The following MIR2052HG variants were observed in gnomAD, a reference collection of about 807,000 sequenced individuals.
The protein encoded by MIR2052HG is MIR2052 host gene.
At chr8:74,689,517 G>C (rs1368914777) in intron 2 of MIR2052HG, among the ~76,000 whole-genome samples, 1 of 152,156 alleles carries the variant, frequency 6.6e-6, no homozygotes, top group Non-Finnish European at 1.5e-5. Context: ...AAAACAATTA[G>C]TTTGCTGAAG....
intron 2 of MIR2052HG, among the ~76,000 whole-genome samples, chr8:74,659,568 G>A (rs962910331): frequency 6.6e-6 from 1 of 152,086 alleles, no homozygotes; most frequent in African/African-American, 2.4e-5. Flanking sequence ...AGCCTGCCAA[G>A]CAGCTAGGAA....
At chr8:74,618,124 C>T (rs1160632789) in intron 2 of MIR2052HG, among the ~76,000 whole-genome samples, 1 of 152,198 alleles carries the variant, frequency 6.6e-6, no homozygotes, top group Non-Finnish European at 1.5e-5. Flanking sequence ...GTGATGGCCC[C>T]CAATTCCATC....
intron 2 of MIR2052HG, among the ~76,000 whole-genome samples, chr8:74,645,364 C>T (rs1324034424): frequency 6.6e-6 from 1 of 151,868 alleles, no homozygotes; most frequent in Non-Finnish European, 1.5e-5. Context: ...TGGCTCACCA[C>T]AACCTCCGCC....
At chr8:74,674,864 T>C (rs959201907) in intron 2 of MIR2052HG, among the ~76,000 whole-genome samples, 1 of 151,940 alleles carries the variant, frequency 6.6e-6, no homozygotes, top group Non-Finnish European at 1.5e-5. Context: ...TACGTTACTA[T>C]ACTACTTGGA....
At chr8:74,703,172 A>G (rs11783246) in intron 3 of MIR2052HG, among the ~76,000 whole-genome samples, 35,893 of 151,898 alleles carry the variant, frequency 0.24, 5,407 homozygotes, top group East Asian at 0.65. Context: ...GATTGTTGGT[A>G]GCGTAAGAGT....
rs991677889 is a variant in MIR2052HG at position 74,674,687 on chromosome 8, G to A, written n.217-27692G>A. ...CTCTCTCCATCTTTTTCACCTTCTC[G>A]TTGCTAAAACGTATCTTAGACCATA... On this transcript the variant is annotated intron_variant and non_coding_transcript_variant, in intron 2 of 6. Coordinates refer to ENST00000523442, the Ensembl canonical transcript of MIR2052HG. Among the ~76,000 whole-genome samples, 9 of 151,398 alleles carry A rather than the reference G, an allele frequency of 5.9e-5. No homozygotes were observed. In the East Asian group the frequency reaches 7.8e-4, roughly 13 times the overall value.
At chr8:74,736,075 G>A (rs1586927405) in intron 4 of MIR2052HG, among the ~76,000 whole-genome samples, 1 of 152,114 alleles carries the variant, frequency 6.6e-6, no homozygotes, top group South Asian at 2.1e-4. Context: ...GTGTTAGAGG[G>A]AACTTAAAAT....
intron 2 of MIR2052HG, among the ~76,000 whole-genome samples, chr8:74,628,406 G>A (rs550509619): frequency 6.6e-6 from 1 of 152,150 alleles, no homozygotes; most frequent in Non-Finnish European, 1.5e-5. Flanking sequence ...AACTATGTTC[G>A]TGTGGCTCAG....
intron 4 of MIR2052HG, among the ~76,000 whole-genome samples, chr8:74,721,565 T>C (rs969982202): frequency 6.6e-6 from 1 of 152,164 alleles, no homozygotes; most frequent in Non-Finnish European, 1.5e-5. Flanking sequence ...AGTTTCTCTC[T>C]CCACATGGCT....
At chr8:74,645,577 GC>G (rs1203139026) in intron 2 of MIR2052HG, among the ~76,000 whole-genome samples, 1 of 152,190 alleles carries the variant, frequency 6.6e-6, no homozygotes, top group Non-Finnish European at 1.5e-5. Context: ...GAGCCACTGC[GC>G]CCGGCCTAGA....
At chr8:74,676,521 G>A (rs1200444480) in intron 2 of MIR2052HG, among the ~76,000 whole-genome samples, 1 of 151,122 alleles carries the variant, frequency 6.6e-6, no homozygotes, top group Non-Finnish European at 1.5e-5. Context: ...AATGAAATGA[G>A]AAAACAAAAC....
intron 2 of MIR2052HG, among the ~76,000 whole-genome samples, chr8:74,640,315 A>G (rs761185324): frequency 1.2e-4 from 18 of 151,836 alleles, no homozygotes; most frequent in African/African-American, 4.1e-4. Context: ...AAAAAAAAAT[A>G]CAAAAATTAG....
chr8:74,631,262 G>A (rs1808507393), intron 2 of MIR2052HG, among the ~76,000 whole-genome samples: 1 of 152,176 alleles, frequency 6.6e-6, no homozygotes. Context: ...TGGAGTAGGA[G>A]GGAAATTAAA....
intron 2 of MIR2052HG, among the ~76,000 whole-genome samples, chr8:74,664,261 A>C (rs1032263764): frequency 1.3e-5 from 2 of 152,094 alleles, no homozygotes; most frequent in Non-Finnish European, 2.9e-5. Flanking sequence ...CATGTACCCC[A>C]AAAGGGATTG....
chr8:74,738,226 C>G (rs889037678), intron 4 of MIR2052HG, among the ~76,000 whole-genome samples: 1 of 151,954 alleles, frequency 6.6e-6, no homozygotes, highest in Non-Finnish European at 1.5e-5. Context: ...AACCTTCTTC[C>G]TACATGTACC....
At chr8:74,737,635 G>C (rs1004733197) in intron 4 of MIR2052HG, among the ~76,000 whole-genome samples, 8 of 152,010 alleles carry the variant, frequency 5.3e-5, no homozygotes, top group African/African-American at 9.7e-5. Context: ...GATCATTCAG[G>C]GCTCAAATTC....
intron 4 of MIR2052HG, among the ~76,000 whole-genome samples, chr8:74,740,811 A>G (rs1332378703): frequency 6.6e-6 from 1 of 152,202 alleles, no homozygotes; most frequent in African/African-American, 2.4e-5. Context: ...GCTACCTGGT[A>G]GTTAAGTGTT....
At chr8:74,610,833 A>G (rs73337222) in intron 1 of MIR2052HG, among the ~76,000 whole-genome samples, 5,437 of 152,134 alleles carry the variant, frequency 0.036, 319 homozygotes, top group African/African-American at 0.12. Flanking sequence ...CTTACATCAT[A>G]TACAAAAATG....
chr8:74,611,116 C>A (rs1808188353), intron 1 of MIR2052HG, among the ~76,000 whole-genome samples: 2 of 152,082 alleles, frequency 1.3e-5, no homozygotes, highest in South Asian at 4.1e-4. Context: ...ACATAAAAAT[C>A]TTTCAAAACT....
Sources: gnomAD v4.1 joint callset for allele counts (sites outside exome capture counted in the v4.1 genomes callset) on GRCh38, gnomAD v4.1.1 for gene constraint, MANE v1.5 for transcripts, NCBI Gene and HGNC (gene_info 2026-07-23, HGNC 2026-07-21) for gene names.